Variants in ROBO2 observed in about 807,000 individuals in gnomAD.
ROBO2 encodes roundabout homolog 2.
In ROBO2, 53 loss-of-function variants were observed where a neutral mutation model predicts 160.8. The ratio of observed to expected loss-of-function variants is 0.33; its 90% confidence interval spans 0.26 to 0.41. The LOEUF is 0.41. Among genes scored for constraint, ROBO2 ranks in the 10% least tolerant of loss-of-function variants. The pLI is 1.00. For missense variants in ROBO2, 1,577 were observed against 1,722.4 expected, an observed-to-expected ratio of 0.92 and a Z score of 1.49; for synonymous variants, 664 against 611.7, an observed-to-expected ratio of 1.09 and a Z score of -1.26.
intron 2 of ROBO2, among the ~76,000 whole-genome samples, chr3:77,304,885 G>A (rs981716049): frequency 1.3e-5 from 2 of 152,104 alleles, no homozygotes; most frequent in African/African-American, 2.4e-5. Context: ...GCGTACATAC[G>A]TAAGCTGTAG....
At chr3:77,442,650 T>C (rs747085055) in intron 2 of ROBO2, among the ~76,000 whole-genome samples, 83 of 152,156 alleles carry the variant, frequency 5.5e-4, no homozygotes, top group Non-Finnish European at 1.0e-3. Flanking sequence ...GAAATGACTA[T>C]AGCGTGATGA....
chr3:76,200,962 T>C (rs1341467066), intron 2 of ROBO2, among the ~76,000 whole-genome samples: 1 of 152,206 alleles, frequency 6.6e-6, no homozygotes, highest in African/African-American at 2.4e-5. Flanking sequence ...TTCCTCAGGT[T>C]TGTGGAGCAT....
intron 2 of ROBO2, among the ~76,000 whole-genome samples, chr3:76,718,610 C>T (rs964908188): frequency 2.0e-5 from 3 of 152,038 alleles, no homozygotes; most frequent in Non-Finnish European, 2.9e-5. Flanking sequence ...TTAAGAAAGC[C>T]CCTCTGTGAT....
intron 2 of ROBO2, among the ~76,000 whole-genome samples, chr3:76,932,317 A>G (rs1183515386): frequency 6.6e-6 from 1 of 152,178 alleles, no homozygotes; most frequent in Non-Finnish European, 1.5e-5. Flanking sequence ...TTAAAAAAGA[A>G]CATTTATTCC....
chr3:77,141,824 A>G (rs2076727842), intron 2 of ROBO2, among the ~76,000 whole-genome samples: 1 of 152,190 alleles, frequency 6.6e-6, no homozygotes, highest in Non-Finnish European at 1.5e-5. Context: ...ATGATTTTTC[A>G]TTTCTGCTAC....
At chr3:76,405,144 G>C (rs1028652592) in intron 2 of ROBO2, among the ~76,000 whole-genome samples, 1 of 151,440 alleles carries the variant, frequency 6.6e-6, no homozygotes, top group Admixed American at 6.6e-5. Context: ...TTTGAGGAAG[G>C]CCTCTTTGAT....
chr3:75,973,034 T>A (rs2065039666), intron 2 of ROBO2, among the ~76,000 whole-genome samples: 1 of 151,666 alleles, frequency 6.6e-6, no homozygotes, highest in Non-Finnish European at 1.5e-5. Flanking sequence ...TCACTCAAAT[T>A]TAAGCTATTC....
intron 2 of ROBO2, among the ~76,000 whole-genome samples, chr3:76,269,587 GA>G (rs34448121): frequency 0.17 from 24,517 of 144,240 alleles, 3,213 homozygotes; most frequent in East Asian, 0.41. Context: ...ATGGTTAAAT[GA>G]AAAAAAAAAA....
intron 2 of ROBO2, among the ~76,000 whole-genome samples, chr3:76,904,870 A>T (rs1179554795): frequency 6.6e-6 from 1 of 152,158 alleles, no homozygotes; most frequent in Non-Finnish European, 1.5e-5. Flanking sequence ...TCTCTTGCCC[A>T]TGACTAAGTC....
At chr3:77,195,175 T>C (rs1379841153) in intron 2 of ROBO2, among the ~76,000 whole-genome samples, 1 of 152,146 alleles carries the variant, frequency 6.6e-6, no homozygotes, top group Non-Finnish European at 1.5e-5. Context: ...AATCTAATAT[T>C]CTTTTTTCCC....
At chr3:77,553,503 C>CA (rs1396754978) in intron 8 of ROBO2, among the ~76,000 whole-genome samples, 1 of 151,924 alleles carries the variant, frequency 6.6e-6, no homozygotes, top group African/African-American at 2.4e-5. Context: ...GAAGGCATGT[C>CA]AAAAACTGAG....
At chr3:76,109,190 T>C (rs2070097809) in intron 2 of ROBO2, among the ~76,000 whole-genome samples, 1 of 151,994 alleles carries the variant, frequency 6.6e-6, no homozygotes, top group Non-Finnish European at 1.5e-5. Context: ...GCATGGATAG[T>C]GTTTCATAAA....
chr3:76,836,130 A>G lies in ROBO2; in HGVS notation c.110-261884A>G, dbSNP rs561876172. Among the ~76,000 whole-genome samples the G allele has an allele frequency of 2.6e-5, 4 of 152,156 alleles. No homozygotes were observed. The South Asian group carries it at 8.3e-4, about 31-fold the overall frequency. On this transcript the variant is annotated intron_variant, in intron 2 of 26. Transcript: ENST00000487694. Reference sequence around the variant, plus strand: ...GGCTTAGTCATTCAGAATATTTTTTATGAATTAATTTGAAGCTGTTATTAA... The same window carrying G: ...GGCTTAGTCATTCAGAATATTTTTTGTGAATTAATTTGAAGCTGTTATTAA...
intron 2 of ROBO2, among the ~76,000 whole-genome samples, chr3:77,350,999 A>G (rs899826967): frequency 1.3e-5 from 2 of 152,214 alleles, no homozygotes; most frequent in Non-Finnish European, 2.9e-5. Context: ...ATATGTGTCA[A>G]TAAGTTATGC....
At chr3:77,090,314 T>A (rs2150011767) in intron 1 of ROBO2, among the ~76,000 whole-genome samples, 1 of 140,286 alleles carries the variant, frequency 7.1e-6, no homozygotes, top group Admixed American at 7.4e-5. Context: ...TTTAATCTTC[T>A]AAACCACTCT....
At chr3:77,505,036 G>A (rs1270699736) in intron 5 of ROBO2, among the ~76,000 whole-genome samples, 1 of 152,166 alleles carries the variant, frequency 6.6e-6, no homozygotes, top group Admixed American at 6.5e-5. Context: ...TGGAGGAGTG[G>A]CACTTAAGGC....
At chr3:76,603,350 AAATATATATATATATAT>A (rs1200710174) in intron 2 of ROBO2, among the ~76,000 whole-genome samples, 5 of 63,242 alleles carry the variant, frequency 7.9e-5, no homozygotes, top group African/African-American at 2.9e-4. Context: ...AAAAAAAAAA[AAATATATATATATATAT>A]ATATATATAT....
intron 2 of ROBO2, among the ~76,000 whole-genome samples, chr3:76,153,275 C>T (rs1196414907): frequency 1.3e-5 from 2 of 152,128 alleles, no homozygotes; most frequent in Non-Finnish European, 2.9e-5. Flanking sequence ...CATAGCTTCA[C>T]AGCTGGTAAA....
intron 2 of ROBO2, among the ~76,000 whole-genome samples, chr3:76,624,735 T>G (rs1293971078): frequency 8.2e-6 from 1 of 122,188 alleles, no homozygotes; most frequent in African/African-American, 3.0e-5. Flanking sequence ...GAGGCTGAGC[T>G]TGCAGTGAAC....
Sources: allele counts gnomAD v4.1 joint callset (sites outside exome capture counted in the v4.1 genomes callset), GRCh38; gene constraint gnomAD v4.1.1; transcripts MANE v1.5; gene names NCBI Gene and HGNC (gene_info 2026-07-23, HGNC 2026-07-21).